The following NCOA2 variants were observed in gnomAD, a reference collection of about 807,000 sequenced individuals.
NCOA2 encodes the protein nuclear receptor coactivator 2, also known as class E basic helix-loop-helix protein 75.
A neutral mutation model predicts 145.1 loss-of-function variants in NCOA2; 21 were observed. That is an observed-to-expected ratio of 0.14 (90% CI 0.10 to 0.21). The LOEUF is 0.21. Ranked by LOEUF, NCOA2 falls within the 10% of genes least tolerant of loss-of-function variation. NCOA2 has a pLI of 1.00. For synonymous variants in NCOA2, 619 were observed against 637.5 expected (o/e 0.97, Z 0.44); for missense variants, 1,472 against 1,837.6 (o/e 0.80, Z 3.64).
the NCOA2 span, among the ~76,000 whole-genome samples, chr8:70,432,429 A>G: frequency 1.8e-3 from 279 of 152,328 alleles, no homozygotes; most frequent in African/African-American, 6.5e-3. Flanking sequence ...TGGGAGGCCA[A>G]GGTGAGAGGA....
chr8:70,445,318 T>C, the NCOA2 span, among the ~76,000 whole-genome samples: 2 of 152,228 alleles, frequency 1.3e-5, no homozygotes, highest in Non-Finnish European at 2.9e-5. Flanking sequence ...GGGGAAAGGC[T>C]TGGTTGAAGC....
rs1814001510 is a variant in NCOA2 at position 70,399,323 on chromosome 8, G to GT, written c.-77+4376dup. ...CAAACACTTAGAACCTTTTTTGTTT[G>GT]TTTAGAAAAGTAAGGCATAGAGAGG... is the stretch of plus-strand genomic sequence containing the variant. On this transcript the variant is annotated intron_variant, in intron 1 of 22. Coordinates refer to ENST00000452400, the MANE Select transcript of NCOA2 (RefSeq NM_006540.4). Among the ~76,000 whole-genome samples, 3 of 152,026 alleles carry GT rather than the reference G, an allele frequency of 2.0e-5. No homozygotes were observed. The South Asian group carries it at 6.2e-4, about 31-fold the overall frequency.
At chr8:70,176,042 C>T (rs1814795096) in intron 4 of NCOA2, among the ~76,000 whole-genome samples, 1 of 152,176 alleles carries the variant, frequency 6.6e-6, no homozygotes, top group Non-Finnish European at 1.5e-5. Flanking sequence ...CAAGCTCAAA[C>T]TCAGTCACTA....
intron 1 of NCOA2, among the ~76,000 whole-genome samples, chr8:70,403,263 G>GC (rs1396214381): frequency 6.6e-6 from 1 of 151,272 alleles, no homozygotes; most frequent in Non-Finnish European, 1.5e-5. Context: ...CCCGCACCGG[G>GC]CTGGGCAATG....
the NCOA2 span, among the ~76,000 whole-genome samples, chr8:70,409,520 A>G: frequency 2.4e-4 from 36 of 152,024 alleles, no homozygotes; most frequent in Non-Finnish European, 3.1e-4. Context: ...GTGACTTCTT[A>G]CCATACACAA....
the NCOA2 span, among the ~76,000 whole-genome samples, chr8:70,441,816 G>GAAAGAA: frequency 4.8e-3 from 555 of 116,796 alleles, 4 homozygotes; most frequent in African/African-American, 0.017. Context: ...AAGAAAGAAA[G>GAAAGAA]AAGAAAGAAG....
rs6990934 is a variant in NCOA2, at chr8:70,226,681, A to T, written c.-19-9917T>A. ...TTATTTATATATATATATATATATAAAACTATACTTAAAACTTAGGGTAAA... is the reference window on the plus strand; with the variant it reads ...TTATTTATATATATATATATATATATAACTATACTTAAAACTTAGGGTAAA... On this transcript the variant is annotated intron_variant, in intron 2 of 22. Coordinates refer to ENST00000452400, the MANE Select transcript of NCOA2 (RefSeq NM_006540.4). Among the ~76,000 whole-genome samples, 578 of 148,368 alleles carry T rather than the reference A, an allele frequency of 3.9e-3. 4 individuals carry two copies. Among genetic ancestry groups the T allele is most frequent in the African/African-American group, 0.014 (557 of 40,296 alleles).
At position 70,274,388 on chromosome 8, in the gene NCOA2, T is replaced by C. The variant is rs190085833; in HGVS notation, c.-20+22356A>G. On this transcript the variant is annotated intron_variant, in intron 2 of 22. Transcript: ENST00000452400. ...CCAAAGCCTACAGAGCTTCAGCTAA[T>C]TGTAATTGCTGTGAAGGGCGAGAAC... Among the ~76,000 whole-genome samples the C allele has an allele frequency of 2.0e-5, 3 of 152,304 alleles. No individual in the cohort carries two copies. In the East Asian group the frequency reaches 5.8e-4, roughly 29 times the overall value.
At chr8:70,432,563 C>T in the NCOA2 span, among the ~76,000 whole-genome samples, 10 of 152,042 alleles carry the variant, frequency 6.6e-5, no homozygotes, top group East Asian at 9.7e-4. Flanking sequence ...CTCGAAAGGC[C>T]GAGGCAGGAG....
chr8:70,234,632 T>C (rs1821442130), intron 2 of NCOA2, among the ~76,000 whole-genome samples: 1 of 152,196 alleles, frequency 6.6e-6, no homozygotes, highest in Non-Finnish European at 1.5e-5. Context: ...TTGAGCATCT[T>C]TACTTGTGTT....
At chr8:70,448,772 C>T in the NCOA2 span, among the ~76,000 whole-genome samples, 6 of 149,366 alleles carry the variant, frequency 4.0e-5, no homozygotes, top group Non-Finnish European at 8.9e-5. Context: ...CAAAATAAGG[C>T]AGAATTATCA....
At chr8:70,378,214 T>TGGGAGGACTGCATGAAGCC (rs1427530846) in intron 1 of NCOA2, among the ~76,000 whole-genome samples, 2 of 152,130 alleles carry the variant, frequency 1.3e-5, no homozygotes, top group East Asian at 3.8e-4. Context: ...AGGCCCCAGG[T>TGGGAGGACTGCATGAAGCC]GGGAGGACTG....
chr8:70,157,503 ATT>A (rs1206000116), intron 10 of NCOA2, among the ~76,000 whole-genome samples: 1 of 152,202 alleles, frequency 6.6e-6, no homozygotes, highest in East Asian at 1.9e-4. Context: ...CTACTACTGT[ATT>A]TAAATTGCAT....
At chr8:70,169,997 T>C (rs942675676) in intron 6 of NCOA2, among the ~76,000 whole-genome samples, 4 of 152,134 alleles carry the variant, frequency 2.6e-5, no homozygotes, top group African/African-American at 9.7e-5. Flanking sequence ...GATCACTCAT[T>C]TGAGATCAGT....
chr8:70,217,894 T>C (rs1819776797), intron 2 of NCOA2, among the ~76,000 whole-genome samples: 1 of 152,108 alleles, frequency 6.6e-6, no homozygotes, highest in Admixed American at 6.5e-5. Flanking sequence ...TCCCCTTCCT[T>C]CTGGCCCCCA....
chr8:70,397,873 G>A (rs1813838265), intron 1 of NCOA2, among the ~76,000 whole-genome samples: 2 of 152,086 alleles, frequency 1.3e-5, no homozygotes, highest in Admixed American at 6.5e-5. Context: ...CCAAATCAAA[G>A]CACAATGTGC....
intron 4 of NCOA2, among the ~76,000 whole-genome samples, chr8:70,186,323 T>G (rs949834417): frequency 4.6e-5 from 7 of 152,200 alleles, no homozygotes; most frequent in African/African-American, 1.7e-4. Flanking sequence ...TTGAAACAGC[T>G]TAATTTTGAA....
At chr8:70,197,666 CTGGTCATT>C (rs1226253055) in intron 4 of NCOA2, among the ~76,000 whole-genome samples, 1 of 152,148 alleles carries the variant, frequency 6.6e-6, no homozygotes, top group Non-Finnish European at 1.5e-5. Flanking sequence ...GGCATATTCC[CTGGTCATT>C]TGGTCATTTC....
intron 2 of NCOA2, among the ~76,000 whole-genome samples, chr8:70,257,822 C>T (rs1823765032): frequency 6.6e-6 from 1 of 152,078 alleles, no homozygotes; most frequent in Non-Finnish European, 1.5e-5. Context: ...TTCCTACCTC[C>T]CTGATCTGTC....
Sources: gnomAD v4.1 joint callset for allele counts (sites outside exome capture counted in the v4.1 genomes callset) on GRCh38, gnomAD v4.1.1 for gene constraint, MANE v1.5 for transcripts, NCBI Gene and HGNC (gene_info 2026-07-23, HGNC 2026-07-21) for gene names.